The following CNGA1 variants were observed in gnomAD, a reference collection of about 807,000 sequenced individuals.
CNGA1 encodes cyclic nucleotide-gated channel alpha-1.
CNGA1 carries 53 observed loss-of-function variants against 69.7 expected under a neutral mutation model. The ratio of observed to expected loss-of-function variants is 0.76; its 90% CI spans 0.61 to 0.96. CNGA1 has a LOEUF of 0.96. Ranked by LOEUF, CNGA1 falls within the 40% of genes least tolerant of loss-of-function variation. The pLI, the probability that CNGA1 is intolerant of heterozygous loss-of-function variation, is 0.00. For synonymous variants in CNGA1, 249 were observed against 283.5 expected (o/e 0.88, Z 1.22); for missense variants, 739 against 811.2 (o/e 0.91, Z 1.08).
intron 3 of CNGA1, among the ~76,000 whole-genome samples, chr4:47,968,000 A>G (rs1740817557): frequency 6.6e-6 from 1 of 152,164 alleles, no homozygotes; most frequent in South Asian, 2.1e-4. Flanking sequence ...ACACATGCCA[A>G]GCAATAAGTC....
Position 47,940,447 on chromosome 4 carries a change from T to A in CNGA1, c.652+316A>T, listed in dbSNP as rs1739005554. ...ACGACTCTTTACATTATCTCCCTGT[T>A]AGCTTCCCCCTGTAGCTGGCAGAAT... On this transcript the variant is annotated intron_variant, in intron 10 of 10. Coordinates refer to ENST00000514170, the MANE Select transcript of CNGA1 (RefSeq NM_001379270.1). Among the ~76,000 whole-genome samples, 3 of 152,360 alleles carry A rather than the reference T, an allele frequency of 2.0e-5. No homozygotes were observed. The South Asian group carries it at 6.2e-4, about 32-fold the overall frequency.
rs183193922 is a variant in CNGA1, at chr4:47,998,372, C to T, written c.-123+12422G>A. Among the ~76,000 whole-genome samples the T allele has an allele frequency of 7.2e-5, 11 of 152,286 alleles. No homozygotes were observed. The East Asian group carries it at 2.1e-3, about 29-fold the overall frequency. On this transcript the variant is annotated intron_variant, in intron 2 of 10. Coordinates refer to ENST00000514170, the MANE Select transcript of CNGA1 (RefSeq NM_001379270.1). Reference sequence around the variant, plus strand: ...ATTCCACAGACTGGACAAAGAATAACTTCCAAGGTATTAACAGTTAAATAA... The same window carrying T: ...ATTCCACAGACTGGACAAAGAATAATTTCCAAGGTATTAACAGTTAAATAA...
At chr4:47,939,547 T>G (rs1366056383) in intron 10 of CNGA1, among the ~76,000 whole-genome samples, 1 of 152,194 alleles carries the variant, frequency 6.6e-6, no homozygotes, top group Non-Finnish European at 1.5e-5. Flanking sequence ...AATTTATAGC[T>G]GGTCAGTCAG....
chr4:47,986,974 A>ATTGTGTTGTG (rs56279900), intron 2 of CNGA1, among the ~76,000 whole-genome samples: 7 of 151,576 alleles, frequency 4.6e-5, no homozygotes, highest in Non-Finnish European at 7.4e-5. Context: ...GGATAAGAGT[A>ATTGTGTTGTG]TTGTGTTGTG....
At chr4:47,977,047 G>A (rs1284247808) in intron 3 of CNGA1, among the ~76,000 whole-genome samples, 3 of 152,214 alleles carry the variant, frequency 2.0e-5, no homozygotes, top group Admixed American at 1.3e-4. Flanking sequence ...AGAGGAAACA[G>A]CATGTGTAAA....
At chr4:47,974,158 A>G (rs925809146) in intron 3 of CNGA1, among the ~76,000 whole-genome samples, 1 of 151,250 alleles carries the variant, frequency 6.6e-6, no homozygotes, top group African/African-American at 2.4e-5. Context: ...TAAAAATAAA[A>G]TTTAAAAAAG....
rs1431067212 is a variant in CNGA1 at position 47,940,616 on chromosome 4, G to A, written c.652+147C>T. On this transcript the variant is annotated intron_variant, in intron 10 of 10. Transcript: ENST00000514170. ...ATCTAAGCCTATGAGTTTATACATC[G>A]TGACTCTTGCCTTCACCTGTGCCTT... 2.2e-5 allele frequency: 14 copies of A among 632,968 alleles called. No homozygotes were observed. In the East Asian group the frequency reaches 2.3e-4, roughly 10 times the overall value. The allele number at this position is 632,968 out of a possible 1,614,324, so 39.2% of individuals were successfully genotyped here.
intron 3 of CNGA1, among the ~76,000 whole-genome samples, chr4:47,970,295 C>T (rs1438963219): frequency 6.6e-6 from 1 of 152,110 alleles, no homozygotes; most frequent in African/African-American, 2.4e-5. Context: ...CCCACGGGAA[C>T]AGCATAGCTA....
chr4:48,014,950 A>C (rs1431637132), intron 1 of CNGA1, among the ~76,000 whole-genome samples: 1 of 152,114 alleles, frequency 6.6e-6, no homozygotes, highest in Non-Finnish European at 1.5e-5. Context: ...AGGTAGGCGG[A>C]TCACGAGGTC....
chr4:47,974,667 T>A (rs1741252491), intron 3 of CNGA1, among the ~76,000 whole-genome samples: 1 of 152,160 alleles, frequency 6.6e-6, no homozygotes, highest in Non-Finnish European at 1.5e-5. Context: ...ATACTGTTTT[T>A]CATCTCACTC....
Position 48,012,163 on chromosome 4 carries a change from T to C in CNGA1, c.-222-1270A>G, listed in dbSNP as rs191637556. On this transcript the variant is annotated intron_variant, in intron 1 of 10. Coordinates refer to ENST00000514170, the MANE Select transcript of CNGA1 (RefSeq NM_001379270.1). The stretch of plus-strand genomic sequence containing the variant: ...AAGTTGGAAAATAACTCATGATATA[T>C]TGGCTTAAATAAAACCCTTCTGATG... 7.6e-4 allele frequency among the ~76,000 whole-genome samples: 115 copies of C among 152,292 alleles called. 2 individuals are homozygous for C. In the South Asian group the frequency reaches 0.013, roughly 18 times the overall value.
intron 10 of CNGA1, 111 bp downstream of exon 10, chr4:47,940,652 A>G: frequency 2.5e-6 from 2 of 795,764 alleles, no homozygotes; most frequent in Non-Finnish European, 4.2e-6. Flanking sequence ...TTTCTCTAGA[A>G]CAGATTTTTG....
Position 47,963,886 on chromosome 4 carries a change from A to C in CNGA1, c.-14-11183T>G, listed in dbSNP as rs371140933. Among the ~76,000 whole-genome samples the C allele has an allele frequency of 5.9e-5, 9 of 152,310 alleles. No homozygotes were observed. In the East Asian group the frequency reaches 1.5e-3, roughly 26 times the overall value. ...TGAAAGTAAAATCAATAATGACTTA[A>C]ATTTTATAAAATGTTAAATATTCAA... On this transcript the variant is annotated intron_variant, in intron 3 of 10. Coordinates refer to ENST00000514170, the MANE Select transcript of CNGA1 (RefSeq NM_001379270.1).
At chr4:47,953,357 A>G (rs925071345) in intron 3 of CNGA1, among the ~76,000 whole-genome samples, 1 of 152,246 alleles carries the variant, frequency 6.6e-6, no homozygotes. Context: ...ATGTAACTGT[A>G]GAACAAAACC....
At chr4:47,939,554 T>G (rs1414208361) in intron 10 of CNGA1, among the ~76,000 whole-genome samples, 3 of 152,154 alleles carry the variant, frequency 2.0e-5, no homozygotes, top group Non-Finnish European at 4.4e-5. Flanking sequence ...AGCTGGTCAG[T>G]CAGAAGCACA....
intron 2 of CNGA1, among the ~76,000 whole-genome samples, chr4:47,995,350 A>T (rs940757846): frequency 6.6e-6 from 1 of 151,944 alleles, no homozygotes; most frequent in Non-Finnish European, 1.5e-5. Context: ...ATATTTTCTT[A>T]TTCTTTTTTG....
At chr4:47,988,366 G>A (rs1253206808) in intron 2 of CNGA1, among the ~76,000 whole-genome samples, 1 of 152,076 alleles carries the variant, frequency 6.6e-6, no homozygotes, top group Non-Finnish European at 1.5e-5. Flanking sequence ...ATAAGGCATT[G>A]TACACGTCAG....
chr4:47,988,893 C>T (rs770866399), intron 2 of CNGA1, among the ~76,000 whole-genome samples: 3 of 151,724 alleles, frequency 2.0e-5, no homozygotes, highest in Non-Finnish European at 4.4e-5. Flanking sequence ...CACATATAAG[C>T]GGACCCATGT....
At chr4:47,940,085 TGATACATTACACTAG>T (rs1320871263) in intron 10 of CNGA1, among the ~76,000 whole-genome samples, 1 of 152,242 alleles carries the variant, frequency 6.6e-6, no homozygotes, top group Non-Finnish European at 1.5e-5. Flanking sequence ...TTCAGCCCTC[TGATACATTACACTAG>T]GAAAGGGATT....
Sources: allele counts gnomAD v4.1 joint callset (sites outside exome capture counted in the v4.1 genomes callset), GRCh38; gene constraint gnomAD v4.1.1; transcripts MANE v1.5; gene names NCBI Gene and HGNC (gene_info 2026-07-23, HGNC 2026-07-21).